Variants in DNAAF5 observed in about 807,000 individuals in gnomAD.
DNAAF5 encodes dynein axonemal assembly factor 5, also known as HEAT repeat containing 2.
In DNAAF5, 64 loss-of-function variants were observed where a neutral mutation model predicts 75.8. The observed-to-expected ratio is 0.84, with a 90% CI of 0.69 to 1.04. DNAAF5 has a LOEUF of 1.04. DNAAF5 is among the 50% of genes least tolerant of loss of function. DNAAF5 has a pLI of 0.00. For missense variants in DNAAF5, 1,269 were observed against 1,178.5 expected (o/e 1.08, Z -1.12); for synonymous variants, 657 against 557.2 (o/e 1.18, Z -2.52).
At chr7:782,082 G>A (rs563437771) in intron 12 of DNAAF5, among the ~76,000 whole-genome samples, 4 of 152,186 alleles carry the variant, frequency 2.6e-5, no homozygotes, top group Admixed American at 6.5e-5. Context: ...TCCCGGCGTG[G>A]CTACATCCGG....
intron 4 of DNAAF5, among the ~76,000 whole-genome samples, chr7:752,772 A>G (rs1259480623): frequency 6.6e-6 from 1 of 152,264 alleles, no homozygotes; most frequent in African/African-American, 2.4e-5. Context: ...GGCCTGTTGA[A>G]AAAACGAAAA....
At chr7:730,731 C>A (rs1320770540) in intron 2 of DNAAF5, among the ~76,000 whole-genome samples, 1 of 152,218 alleles carries the variant, frequency 6.6e-6, no homozygotes, top group Non-Finnish European at 1.5e-5. Flanking sequence ...CCGGCTCTCT[C>A]CCTCCAGCAG....
Position 727,039 on chromosome 7 carries a change from G to GCCGCGCGGCC in DNAAF5, c.325_334dup (p.Asp112AlafsTer31), listed in dbSNP as rs1781336194. The GCCGCGCGGCC allele has an allele frequency of 1.8e-6, 2 of 1,122,424 alleles. No homozygotes were observed. Among genetic ancestry groups the GCCGCGCGGCC allele is most frequent in the South Asian group, 4.2e-5 (1 of 23,584 alleles). 69.5% of individuals were successfully genotyped at this position (1,122,424 alleles called of 1,614,324 possible). On this transcript the variant is annotated frameshift_variant, in exon 1 of 13. Transcript: ENST00000297440. LOFTEE classifies it high-confidence loss of function. ...CCTGCTGGATCTGGGCCTGCGCCGCGCCGCGCGGCCCCGCGATGCCCTGCC... is the reference window on the plus strand; with the variant it reads ...CCTGCTGGATCTGGGCCTGCGCCGCGCCGCGCGGCCCCGCGCGGCCCCGCGATGCCCTGCC...
intron 9 of DNAAF5, chr7:772,055 C>T (rs1034923103): frequency 3.3e-5 from 5 of 152,322 alleles, no homozygotes; most frequent in South Asian, 2.1e-4. Flanking sequence ...CACTGACCAT[C>T]GTCTGCGCAG....
intron 11 of DNAAF5, among the ~76,000 whole-genome samples, chr7:776,828 C>T (rs1022321635): frequency 3.3e-5 from 5 of 152,228 alleles, no homozygotes; most frequent in Admixed American, 2.6e-4. Flanking sequence ...CTGTTAGGAA[C>T]CAGACTGCAC....
chr7:729,249 C>T (rs764802393), intron 1 of DNAAF5, among the ~76,000 whole-genome samples: 12 of 152,162 alleles, frequency 7.9e-5, no homozygotes, highest in South Asian at 2.1e-4. Flanking sequence ...CCTGGGGTCT[C>T]GTCTCAGGTG....
intron 6 of DNAAF5, among the ~76,000 whole-genome samples, chr7:759,014 G>A (rs1035292500): frequency 2.0e-5 from 3 of 152,078 alleles, no homozygotes; most frequent in African/African-American, 7.2e-5. Flanking sequence ...TTAAATTTTT[G>A]GCAAGAAAGG....
chr7:730,115 C>A (rs1781519447), intron 2 of DNAAF5, among the ~76,000 whole-genome samples: 1 of 152,210 alleles, frequency 6.6e-6, no homozygotes, highest in African/African-American at 2.4e-5. Flanking sequence ...GTGTGCACTT[C>A]AGCAGTTGCA....
chr7:755,054 G>C (rs1215196312), intron 5 of DNAAF5, among the ~76,000 whole-genome samples: 2 of 152,208 alleles, frequency 1.3e-5, no homozygotes, highest in African/African-American at 2.4e-5. Flanking sequence ...AGCACACTCG[G>C]GGGTGCAGTG....
intron 2 of DNAAF5, among the ~76,000 whole-genome samples, chr7:734,964 C>T (rs1381951876): frequency 6.6e-6 from 1 of 151,644 alleles, no homozygotes; most frequent in Non-Finnish European, 1.5e-5. Flanking sequence ...TGTTGTTCTT[C>T]ATGGTATAGC....
Position 726,787 on chromosome 7 carries a change from G to A in DNAAF5, c.67G>A (p.Glu23Lys). Residue 23 changes from glutamate (E) to lysine (K), a missense_variant, in exon 1 of 13, where the codon GAG becomes AAG. Coordinates refer to ENST00000297440, the MANE Select transcript of DNAAF5 (RefSeq NM_017802.4). The stretch of plus-strand genomic sequence containing the variant: ...CCCGGCTGAGGGGGCCGAGACGGCT[G>A]AGGCGGTGGAGCTGAGCCGCGCCCT... The part of the protein sequence containing the change: ...PHPAEGAETA[E>K]AVELSRALSR... 1.6e-6 allele frequency: 2 copies of A among 1,281,778 alleles called. No individual in the cohort carries two copies. The highest frequency in any genetic ancestry group is 9.8e-7 in the Non-Finnish European group (1 of 1,016,598). The allele number at this position is 1,281,778 out of a possible 1,614,324, so 79.4% of individuals were successfully genotyped here.
intron 2 of DNAAF5, among the ~76,000 whole-genome samples, chr7:733,488 A>T (rs118135983): frequency 4.5e-3 from 684 of 151,854 alleles, no homozygotes; most frequent in Non-Finnish European, 7.0e-3. Context: ...TTCTCATGTC[A>T]GTGGTTTATA....
chr7:731,107 A>C (rs1295674163), intron 2 of DNAAF5, among the ~76,000 whole-genome samples: 1 of 152,072 alleles, frequency 6.6e-6, no homozygotes, highest in Non-Finnish European at 1.5e-5. Flanking sequence ...TTTCTCTCCC[A>C]CCTTCCTTAA....
chr7:730,370 C>T (rs1781527318), intron 2 of DNAAF5, among the ~76,000 whole-genome samples: 1 of 152,150 alleles, frequency 6.6e-6, no homozygotes, highest in African/African-American at 2.4e-5. Context: ...TCTGAGGCCC[C>T]AGTGACTTGC....
intron 12 of DNAAF5, among the ~76,000 whole-genome samples, chr7:781,164 C>T (rs35040412): frequency 0.59 from 90,162 of 152,040 alleles, 27,749 homozygotes; most frequent in Middle Eastern, 0.72. Context: ...ACCATCCCCA[C>T]CTCTTCCCCC....
At chr7:727,536 G>T in intron 1 of DNAAF5, 1 of 266,100 alleles carries the variant, frequency 3.8e-6, no homozygotes, top group Non-Finnish European at 6.7e-6. Flanking sequence ...CCTGCCTCAC[G>T]TCCCGCCACC....
At chr7:735,062 T>C (rs565097375) in intron 2 of DNAAF5, among the ~76,000 whole-genome samples, 1 of 151,246 alleles carries the variant, frequency 6.6e-6, no homozygotes, top group East Asian at 2.0e-4. Flanking sequence ...ACAGTGTCGT[T>C]GCTCATATTG....
At chr7:767,020 C>T (rs1207295885) in intron 8 of DNAAF5, among the ~76,000 whole-genome samples, 1 of 151,622 alleles carries the variant, frequency 6.6e-6, no homozygotes, top group Non-Finnish European at 1.5e-5. Flanking sequence ...CAGGCAGATC[C>T]CGATGTCAGG....
intron 12 of DNAAF5, among the ~76,000 whole-genome samples, chr7:782,952 C>G (rs1395121400): frequency 2.6e-4 from 40 of 152,286 alleles, no homozygotes; most frequent in Admixed American, 2.6e-3. Flanking sequence ...CTCGGATCGT[C>G]CTGGGGTGGC....
Sources: gnomAD v4.1 joint callset for allele counts (sites outside exome capture counted in the v4.1 genomes callset) on GRCh38, gnomAD v4.1.1 for gene constraint, MANE v1.5 for transcripts, NCBI Gene and HGNC (gene_info 2026-07-23, HGNC 2026-07-21) for gene names.